PCDHA4: variants seen among roughly 807,000 people sequenced by gnomAD.
The protein encoded by PCDHA4 is protocadherin alpha-4.
In PCDHA4, 49 loss-of-function variants were observed where a neutral mutation model predicts 61.4. The observed-to-expected ratio is 0.80, with a 90% CI of 0.63 to 1.01. The LOEUF is 1.01. PCDHA4 is among the 50% of genes least tolerant of loss of function. The pLI is 0.00. For synonymous variants in PCDHA4, 590 were observed against 550.3 expected (o/e 1.07, Z -1.01); for missense variants, 1,254 against 1,235.8 (o/e 1.01, Z -0.22).
intron 3 of PCDHA4, among the ~76,000 whole-genome samples, chr5:140,982,945 G>A (rs2097017253): frequency 6.6e-6 from 1 of 151,722 alleles, no homozygotes; most frequent in Non-Finnish European, 1.5e-5. Flanking sequence ...TTTGGTTGAA[G>A]ACTATGGAAA....
chr5:140,980,824 A>G (rs2096907010), intron 2 of PCDHA4, among the ~76,000 whole-genome samples: 1 of 152,192 alleles, frequency 6.6e-6, no homozygotes, highest in Non-Finnish European at 1.5e-5. Flanking sequence ...ATATTAAATG[A>G]GTTGTGAACC....
chr5:140,952,081 A>G (rs1554220214), intron 1 of PCDHA4, among the ~76,000 whole-genome samples: 3 of 152,064 alleles, frequency 2.0e-5, no homozygotes. Flanking sequence ...CATTGACTCC[A>G]TGTCTCACAT....
intron 1 of PCDHA4, chr5:140,822,130 G>A (rs1554128458): frequency 6.2e-7 from 1 of 1,614,268 alleles, no homozygotes; most frequent in Non-Finnish European, 8.5e-7. Flanking sequence ...TTTCCATGTG[G>A]AGGTGGCAGT....
chr5:140,834,483 T>C (rs1387248014), intron 1 of PCDHA4: 12 of 1,614,016 alleles, frequency 7.4e-6, no homozygotes, highest in Admixed American at 1.7e-5. Context: ...GCTCCACTAC[T>C]CGGTCCCCGA....
chr5:140,884,688 CTTA>C (rs782481361), intron 1 of PCDHA4: 8 of 1,535,868 alleles, frequency 5.2e-6, no homozygotes, highest in Non-Finnish European at 8.8e-7. Flanking sequence ...AAAAAATTGT[CTTA>C]GTAAACACTT....
chr5:140,845,497 T>C (rs1779898146), intron 1 of PCDHA4, among the ~76,000 whole-genome samples: 1 of 149,728 alleles, frequency 6.7e-6, no homozygotes, highest in African/African-American at 2.4e-5. Context: ...AGTGAGAAAG[T>C]CTAAACCTAT....
intron 1 of PCDHA4, chr5:140,855,838 A>G (rs1554147969): frequency 1.6e-6 from 1 of 616,858 alleles, no homozygotes. Flanking sequence ...TCGTACTTAC[A>G]CCTAAAGCCA....
chr5:140,847,462 G>A (rs2150400776), intron 1 of PCDHA4: 2 of 149,808 alleles, frequency 1.3e-5, no homozygotes, highest in African/African-American at 2.4e-5. Context: ...TTAATTAATC[G>A]ACTTGGACGT....
At chr5:140,929,189 A>G (rs782622519) in intron 1 of PCDHA4, 62 of 1,614,180 alleles carry the variant, frequency 3.8e-5, no homozygotes, top group Non-Finnish European at 4.7e-5. Flanking sequence ...GGTTCTGATA[A>G]TAACAGTTTG....
chr5:140,944,744 A>G (rs1408016136), intron 1 of PCDHA4, among the ~76,000 whole-genome samples: 2 of 152,204 alleles, frequency 1.3e-5, no homozygotes, highest in East Asian at 3.8e-4. Context: ...CTGAGCATTT[A>G]CATGGAAAAA....
At chr5:140,828,161 T>A in intron 1 of PCDHA4, 2 of 1,614,176 alleles carry the variant, frequency 1.2e-6, no homozygotes, top group Non-Finnish European at 1.7e-6. Flanking sequence ...CCTCGCAGCC[T>A]GGAAGGTGGG....
chr5:140,941,809 TAG>T (rs1477400878), intron 1 of PCDHA4, among the ~76,000 whole-genome samples: 5 of 152,254 alleles, frequency 3.3e-5, no homozygotes, highest in Non-Finnish European at 5.9e-5. Context: ...TTGATTTCAG[TAG>T]GATGACTGCT....
intron 1 of PCDHA4, among the ~76,000 whole-genome samples, chr5:140,819,281 GA>G (rs1766526408): frequency 6.6e-6 from 1 of 152,032 alleles, no homozygotes; most frequent in Admixed American, 6.6e-5. Flanking sequence ...GATAAGAGAA[GA>G]AAAATATAGC....
chr5:140,957,763 T>C (rs1375605810), intron 1 of PCDHA4, among the ~76,000 whole-genome samples: 1 of 152,100 alleles, frequency 6.6e-6, no homozygotes, highest in Non-Finnish European at 1.5e-5. Context: ...TCATTATATA[T>C]GTTAAGTAAA....
intron 1 of PCDHA4, among the ~76,000 whole-genome samples, chr5:140,958,893 A>G (rs1332305633): frequency 2.6e-5 from 4 of 152,002 alleles, no homozygotes; most frequent in African/African-American, 9.7e-5. Flanking sequence ...TAGCTATATA[A>G]TAGATACAGA....
intron 1 of PCDHA4, among the ~76,000 whole-genome samples, chr5:140,913,101 T>C (rs1352707377): frequency 5.9e-5 from 9 of 152,200 alleles, no homozygotes; most frequent in Non-Finnish European, 1.0e-4. Flanking sequence ...ACTGGCCTCA[T>C]AGAATCAGTT....
intron 3 of PCDHA4, among the ~76,000 whole-genome samples, chr5:140,985,001 G>A (rs1554246727): frequency 1.3e-5 from 2 of 151,944 alleles, no homozygotes; most frequent in South Asian, 2.1e-4. Flanking sequence ...CCAGTGGCAC[G>A]ATATCGGCTC....
intron 1 of PCDHA4, among the ~76,000 whole-genome samples, chr5:140,917,333 G>GC (rs1401985588): frequency 2.7e-5 from 4 of 148,632 alleles, no homozygotes; most frequent in African/African-American, 7.4e-5. Flanking sequence ...GCGGGGGAGG[G>GC]GGGGGATGGT....
intron 1 of PCDHA4, chr5:140,835,765 C>T: frequency 1.9e-6 from 3 of 1,613,356 alleles, no homozygotes; most frequent in Non-Finnish European, 2.5e-6. Context: ...CCCGAGTATA[C>T]GGTGTTCGTG....
Sources: gnomAD v4.1 joint callset for allele counts (sites outside exome capture counted in the v4.1 genomes callset) on GRCh38, gnomAD v4.1.1 for gene constraint, MANE v1.5 for transcripts, NCBI Gene and HGNC (gene_info 2026-07-23, HGNC 2026-07-21) for gene names.